SLC2A9: variants seen among roughly 807,000 people sequenced by gnomAD.
SLC2A9 encodes the protein solute carrier family 2 member 9, also known as solute carrier family 2, facilitated glucose transporter member 9.
SLC2A9 carries 39 observed loss-of-function variants against 50.6 expected under a neutral mutation model. The ratio of observed to expected loss-of-function variants is 0.77; its 90% CI spans 0.60 to 1.01. SLC2A9 has a LOEUF of 1.01. SLC2A9 is among the 50% of genes least tolerant of loss of function. The probability of loss-of-function intolerance (pLI) is 0.00; values close to 1 mark genes in which losing one functional copy is unlikely to be tolerated. For synonymous variants in SLC2A9, 324 were observed against 276.9 expected, an observed-to-expected ratio of 1.17 and a Z score of -1.69; for missense variants, 686 against 677.6, an observed-to-expected ratio of 1.01 and a Z score of -0.14.
At chr4:10,036,378 G>A (rs963361179) in intron 1 of SLC2A9, among the ~76,000 whole-genome samples, 6 of 152,190 alleles carry the variant, frequency 3.9e-5, no homozygotes, top group African/African-American at 1.2e-4. Context: ...GATAGTGTAC[G>A]AAATGTCTGA....
intron 10 of SLC2A9, among the ~76,000 whole-genome samples, chr4:9,844,934 G>C (rs917497783): frequency 6.6e-6 from 1 of 152,178 alleles, no homozygotes; most frequent in African/African-American, 2.4e-5. Flanking sequence ...TCTGCTTCCA[G>C]CAATGTTTCC....
intron 3 of SLC2A9, among the ~76,000 whole-genome samples, chr4:9,819,417 C>G (rs544496002): frequency 9.8e-5 from 15 of 152,298 alleles, no homozygotes; most frequent in African/African-American, 3.6e-4. Flanking sequence ...ATTCTGATTT[C>G]CCAAATAACT....
rs115449404 is a variant in SLC2A9, at chr4:9,978,843, T to C, written c.681+1749A>G. On this transcript the variant is annotated intron_variant, in intron 5 of 11. Coordinates refer to ENST00000264784, the MANE Select transcript of SLC2A9 (RefSeq NM_020041.3). ...GAAATATAAAAAGTCACTTATAATA[T>C]CACAGAAAAGTACACTTAAGAATGG... Among the ~76,000 whole-genome samples the C allele has an allele frequency of 9.4e-3, 1,437 of 152,322 alleles. 26 individuals are homozygous for C. Among genetic ancestry groups the C allele is most frequent in the African/African-American group, 0.033 (1,386 of 41,574 alleles).
intron 6 of SLC2A9, among the ~76,000 whole-genome samples, chr4:9,924,649 T>C (rs1443518793): frequency 6.6e-6 from 1 of 151,998 alleles, no homozygotes; most frequent in African/African-American, 2.4e-5. Context: ...GCATCCTCCA[T>C]TTCCCTGTCC....
intron 3 of SLC2A9, among the ~76,000 whole-genome samples, chr4:9,803,496 A>G (rs1211438152): frequency 2.0e-5 from 3 of 152,210 alleles, no homozygotes; most frequent in Non-Finnish European, 4.4e-5. Flanking sequence ...TCACTTTCTT[A>G]AGGTCCCAAA....
At chr4:9,872,887 G>C (rs754866297) in intron 10 of SLC2A9, among the ~76,000 whole-genome samples, 2 of 152,180 alleles carry the variant, frequency 1.3e-5, no homozygotes, top group Non-Finnish European at 2.9e-5. Flanking sequence ...GTTTCTCTAT[G>C]ATTTGACTTT....
intron 10 of SLC2A9, among the ~76,000 whole-genome samples, chr4:9,885,675 T>C (rs756282547): frequency 1.3e-5 from 2 of 152,214 alleles, no homozygotes; most frequent in African/African-American, 2.4e-5. Context: ...CAGGATAAGA[T>C]TGTGAACCAC....
intron 5 of SLC2A9, among the ~76,000 whole-genome samples, chr4:9,976,657 C>T (rs2109051149): frequency 6.6e-6 from 1 of 152,352 alleles, no homozygotes; most frequent in Admixed American, 6.5e-5. Context: ...TGGGAAGAGA[C>T]AGCCTATAGG....
At chr4:9,794,863 G>A (rs1238372637), downstream of SLC2A9, among the ~76,000 whole-genome samples, 1 of 152,126 alleles carries the variant, frequency 6.6e-6, no homozygotes, top group East Asian at 1.9e-4. Context: ...GTGCATATGG[G>A]CTACCCACGT....
intron 3 of SLC2A9, chr4:9,799,364 G>T (rs1207444354): frequency 1.3e-5 from 2 of 152,186 alleles, no homozygotes; most frequent in Non-Finnish European, 2.9e-5. Flanking sequence ...TGCAGATTCA[G>T]TGTCTTGGTG....
chr4:9,975,778 C>A (rs150649733), intron 5 of SLC2A9, among the ~76,000 whole-genome samples: 1 of 152,094 alleles, frequency 6.6e-6, no homozygotes, highest in Non-Finnish European at 1.5e-5. Flanking sequence ...ATTATTCTAC[C>A]AAAAAGAGTG....
intron 2 of SLC2A9, among the ~76,000 whole-genome samples, chr4:10,004,686 C>G (rs903462019): frequency 4.6e-5 from 7 of 152,320 alleles, no homozygotes; most frequent in African/African-American, 1.7e-4. Context: ...ATTACAGCAG[C>G]AAGTTTGCCC....
intron 10 of SLC2A9, among the ~76,000 whole-genome samples, chr4:9,866,657 G>A (rs534785435): frequency 2.5e-4 from 38 of 152,244 alleles, no homozygotes; most frequent in Admixed American, 1.7e-3. Context: ...ATACGGGGAC[G>A]ATGCTGCCAT....
chr4:9,930,359 A>T (rs1044042099), intron 6 of SLC2A9, among the ~76,000 whole-genome samples: 2 of 152,178 alleles, frequency 1.3e-5, no homozygotes, highest in African/African-American at 4.8e-5. Context: ...GGTGAAAAAG[A>T]GGGTAGGAGG....
chr4:10,033,528 T>C (rs1203966997), intron 1 of SLC2A9, among the ~76,000 whole-genome samples: 1 of 152,238 alleles, frequency 6.6e-6, no homozygotes, highest in Non-Finnish European at 1.5e-5. Flanking sequence ...AACACTGGAC[T>C]AAGATATCCC....
chr4:9,866,961 A>G (rs1732582593), intron 10 of SLC2A9, among the ~76,000 whole-genome samples: 1 of 152,082 alleles, frequency 6.6e-6, no homozygotes, highest in African/African-American at 2.4e-5. Flanking sequence ...TTACACATCC[A>G]CTTTTGGAGC....
At chr4:9,791,844 C>T (rs769892845) in intron 3 of SLC2A9, among the ~76,000 whole-genome samples, 4 of 152,162 alleles carry the variant, frequency 2.6e-5, no homozygotes, top group Non-Finnish European at 4.4e-5. Context: ...TTTGCCTGGG[C>T]TCCTGACTCA....
intron 10 of SLC2A9, among the ~76,000 whole-genome samples, chr4:9,846,512 G>C (rs1224481846): frequency 1.3e-5 from 2 of 152,168 alleles, no homozygotes; most frequent in Non-Finnish European, 2.9e-5. Context: ...GACTCACCCT[G>C]ACTCTCAGTG....
At chr4:9,968,215 G>T (rs1283812346) in intron 5 of SLC2A9, among the ~76,000 whole-genome samples, 1 of 151,996 alleles carries the variant, frequency 6.6e-6, no homozygotes, top group Non-Finnish European at 1.5e-5. Context: ...CTTAAAAATG[G>T]TATCTTCATT....
Sources: allele counts gnomAD v4.1 joint callset (sites outside exome capture counted in the v4.1 genomes callset), GRCh38; gene constraint gnomAD v4.1.1; transcripts MANE v1.5; gene names NCBI Gene and HGNC (gene_info 2026-07-23, HGNC 2026-07-21).